Variants in TNIK observed in about 807,000 individuals in gnomAD.
TNIK encodes the protein TRAF2 and NCK interacting kinase.
In TNIK, 49 loss-of-function variants were observed where a neutral mutation model predicts 191.3. The observed-to-expected ratio is 0.26, with a 90% CI of 0.20 to 0.32. The LOEUF (loss-of-function observed/expected upper bound fraction) is 0.32, where lower values mean the gene tolerates loss of function less well. Among genes scored for constraint, TNIK ranks in the 10% least tolerant of loss-of-function variants. The pLI, the probability that TNIK is intolerant of heterozygous loss-of-function variation, is 1.00. For synonymous variants in TNIK, 594 were observed against 600.9 expected (o/e 0.99, Z 0.17); for missense variants, 1,155 against 1,702.3 (o/e 0.68, Z 5.66).
At chr3:171,222,362 C>T (rs1742458050) in intron 3 of TNIK, among the ~76,000 whole-genome samples, 1 of 152,066 alleles carries the variant, frequency 6.6e-6, no homozygotes, top group Non-Finnish European at 1.5e-5. Flanking sequence ...GCAGTATTCT[C>T]CTAATGGACG....
chr3:171,180,853 A>G (rs181076393), intron 7 of TNIK, among the ~76,000 whole-genome samples: 124 of 152,272 alleles, frequency 8.1e-4, no homozygotes, highest in Non-Finnish European at 1.3e-3. Flanking sequence ...TAATCCATAA[A>G]ATAATTACTT....
intron 29 of TNIK, among the ~76,000 whole-genome samples, chr3:171,069,557 G>A (rs968014239): frequency 4.6e-5 from 7 of 152,170 alleles, no homozygotes; most frequent in African/African-American, 1.4e-4. Flanking sequence ...GGGTTTGGGT[G>A]GTAGAGAAAG....
intron 1 of TNIK, among the ~76,000 whole-genome samples, chr3:171,383,757 T>C (rs1294182776): frequency 6.6e-6 from 1 of 152,200 alleles, no homozygotes; most frequent in African/African-American, 2.4e-5. Context: ...GGGGTAATTC[T>C]GTGGCGTTTC....
intron 1 of TNIK, among the ~76,000 whole-genome samples, chr3:171,455,564 A>G (rs1319739108): frequency 6.6e-5 from 10 of 152,184 alleles, no homozygotes; most frequent in Non-Finnish European, 1.5e-4. Flanking sequence ...ATTAGATAAA[A>G]TCATTGCAAT....
chr3:171,222,734 G>T (rs191496207), intron 3 of TNIK, among the ~76,000 whole-genome samples: 251 of 152,204 alleles, frequency 1.6e-3, no homozygotes, highest in African/African-American at 5.7e-3. Flanking sequence ...GATGGAGGCT[G>T]GTCATAAGCT....
chr3:171,412,882 T>G, intron 1 of TNIK, among the ~76,000 whole-genome samples: 1 of 152,188 alleles, frequency 6.6e-6, no homozygotes, highest in East Asian at 1.9e-4. Context: ...TTTTTTGTTA[T>G]GCAGACCAGA....
intron 1 of TNIK, among the ~76,000 whole-genome samples, chr3:171,399,691 A>G (rs1201725151): frequency 1.3e-5 from 2 of 152,230 alleles, no homozygotes; most frequent in East Asian, 1.9e-4. Context: ...CACTATATAC[A>G]GTTTGATCCA....
chr3:171,275,505 C>T (rs1030735258), intron 2 of TNIK, among the ~76,000 whole-genome samples: 1 of 152,014 alleles, frequency 6.6e-6, no homozygotes, highest in Non-Finnish European at 1.5e-5. Flanking sequence ...AAAAATCTTA[C>T]TAATAGAAAA....
intron 3 of TNIK, chr3:171,225,727 T>C: frequency 2.4e-6 from 1 of 419,070 alleles, no homozygotes; most frequent in Non-Finnish European, 4.8e-6. Flanking sequence ...TCTTGAGTAG[T>C]TTCTGGTTCT....
intron 3 of TNIK, among the ~76,000 whole-genome samples, chr3:171,223,225 C>T (rs1577168512): frequency 6.6e-6 from 1 of 152,194 alleles, no homozygotes; most frequent in African/African-American, 2.4e-5. Flanking sequence ...AATGTCCTCA[C>T]CTGACTGTCC....
intron 2 of TNIK, among the ~76,000 whole-genome samples, chr3:171,274,663 T>C (rs1749508157): frequency 6.6e-6 from 1 of 152,204 alleles, no homozygotes; most frequent in Non-Finnish European, 1.5e-5. Flanking sequence ...AAATATTGTC[T>C]AATAATTCAA....
At chr3:171,340,977 GGAA>G (rs1360231852) in intron 2 of TNIK, among the ~76,000 whole-genome samples, 1 of 151,918 alleles carries the variant, frequency 6.6e-6, no homozygotes, top group Non-Finnish European at 1.5e-5. Context: ...CTGAAAGGAT[GGAA>G]GAAGAGAGCT....
intron 9 of TNIK, among the ~76,000 whole-genome samples, chr3:171,169,828 A>G (rs1168160618): frequency 6.6e-6 from 1 of 152,228 alleles, no homozygotes; most frequent in Non-Finnish European, 1.5e-5. Context: ...GAGATATTCA[A>G]GAGAATAACT....
At chr3:171,139,143 C>G (rs1466116174) in intron 14 of TNIK, among the ~76,000 whole-genome samples, 1 of 152,064 alleles carries the variant, frequency 6.6e-6, no homozygotes, top group Non-Finnish European at 1.5e-5. Flanking sequence ...AATTACTCTG[C>G]AATAAACACA....
At chr3:171,245,541 A>T (rs1021510226) in intron 2 of TNIK, among the ~76,000 whole-genome samples, 5 of 151,958 alleles carry the variant, frequency 3.3e-5, no homozygotes, top group African/African-American at 1.2e-4. Flanking sequence ...GAAGGTTGGG[A>T]CATCTTTTTA....
Position 171,190,792 on chromosome 3 carries a change from A to G in TNIK, c.418-5T>C. On this transcript the variant is annotated splice_region_variant and splice_polypyrimidine_tract_variant and intron_variant, in intron 5 of 32. Coordinates refer to ENST00000436636, the MANE Select transcript of TNIK (RefSeq NM_015028.4). ...CTGGTGCAGGTGACTCAGCCCCTGG[A>G]GTGATGGAGAGTTAAGAAGGGTTAA... 1 of 1,580,336 alleles carries G rather than the reference A, an allele frequency of 6.3e-7. No individual in the cohort carries two copies. The highest frequency in any genetic ancestry group is 8.6e-7 in the Non-Finnish European group (1 of 1,160,898).
chr3:171,431,127 T>G (rs1175006753), intron 1 of TNIK, among the ~76,000 whole-genome samples: 1 of 152,096 alleles, frequency 6.6e-6, no homozygotes, highest in Non-Finnish European at 1.5e-5. Flanking sequence ...AATCTTCTTT[T>G]GTAAGAACTT....
At chr3:171,368,578 C>T (rs1280412149) in intron 2 of TNIK, among the ~76,000 whole-genome samples, 1 of 152,136 alleles carries the variant, frequency 6.6e-6, no homozygotes, top group African/African-American at 2.4e-5. Flanking sequence ...TTCCCCTGGA[C>T]ACCAAAGGAA....
At chr3:171,357,109 A>G (rs1273255766) in intron 2 of TNIK, among the ~76,000 whole-genome samples, 2 of 152,148 alleles carry the variant, frequency 1.3e-5, no homozygotes, top group Non-Finnish European at 2.9e-5. Flanking sequence ...TCTTTGTCCT[A>G]TTCTCTTCTG....
Sources: allele counts gnomAD v4.1 joint callset (sites outside exome capture counted in the v4.1 genomes callset), GRCh38; gene constraint gnomAD v4.1.1; transcripts MANE v1.5; gene names NCBI Gene and HGNC (gene_info 2026-07-23, HGNC 2026-07-21).